The following AMZ1 variants were observed in gnomAD, a reference collection of about 807,000 sequenced individuals.
The protein encoded by AMZ1 is archaelysin family metallopeptidase 1.
AMZ1 carries 39 observed loss-of-function variants against 29.9 expected under a neutral mutation model. The observed-to-expected ratio is 1.30, with a 90% confidence interval of 1.01 to 1.70. The LOEUF is 1.70. AMZ1 is among the 40% of genes most tolerant of loss of function. The pLI is 0.00. For missense variants in AMZ1, 1,041 were observed against 680.6 expected, an observed-to-expected ratio of 1.53 and a Z score of -5.89; for synonymous variants, 458 against 304.0, an observed-to-expected ratio of 1.51 and a Z score of -5.27.
chr7:2,708,656 T>C lies in AMZ1; in HGVS notation c.541T>C (p.Ser181Pro), dbSNP rs1004386977. 2 of 1,613,122 alleles carry C rather than the reference T, an allele frequency of 1.2e-6. No individual in the cohort carries two copies. Among genetic ancestry groups the C allele is most frequent in the African/African-American group, 2.7e-5 (2 of 74,916 alleles). The change falls in exon 4 of 7, where the codon TCT becomes CCT. Residue 181 changes from serine (S) to proline (P), a missense_variant. Physicochemically the swap from Ser to Pro is moderately conservative, Grantham distance 74. Transcript: ENST00000683327. ...GCTGTGTGTGCTGGGCCTCACACTGTCTGACCTGTACCCCCATGAGGCCTG... is the reference window on the plus strand; with the variant it reads ...GCTGTGTGTGCTGGGCCTCACACTGCCTGACCTGTACCCCCATGAGGCCTG... ...DALCVLGLTLSDLYPHEAWSF... is the reference protein window; with the variant it reads ...DALCVLGLTLPDLYPHEAWSF...
Position 2,717,729 on chromosome 7 carries a change from G to A in AMZ1, c.*4851G>A, listed in dbSNP as rs1487354307. ...ATCGCGGGTGGAGACGGCCGGCCGAGCCTTCCCTTTTCTGACATCCTACAG... is the reference window on the plus strand; with the variant it reads ...ATCGCGGGTGGAGACGGCCGGCCGAACCTTCCCTTTTCTGACATCCTACAG... On this transcript the variant is annotated 3_prime_UTR_variant, in exon 7 of 7. Transcript: ENST00000683327. 6.6e-6 allele frequency among the ~76,000 whole-genome samples: 1 copy of A among 152,182 alleles called. No homozygotes were observed. The highest frequency in any genetic ancestry group is 1.5e-5 in the Non-Finnish European group (1 of 68,046).
At position 2,712,885 on chromosome 7, in the gene AMZ1, A is replaced by C. The variant is rs1788892882; in HGVS notation, c.*7A>C. 1 of 1,513,292 alleles carries C rather than the reference A, an allele frequency of 6.6e-7. No individual in the cohort carries two copies. The highest frequency in any genetic ancestry group is 1.3e-5 in the South Asian group (1 of 75,096). 93.7% of individuals were successfully genotyped at this position (1,513,292 alleles called of 1,614,324 possible). A position where few individuals can be genotyped will look rare whatever the true frequency, so the allele number is the denominator to read the frequency against. On this transcript the variant is annotated 3_prime_UTR_variant, in exon 7 of 7. Transcript: ENST00000683327. ...GGATGGGGAAGAGAGTTAGTACAGCAGGGGCTGCCCTACGTCTCCTTCCCT... is the reference window on the plus strand; with the variant it reads ...GGATGGGGAAGAGAGTTAGTACAGCCGGGGCTGCCCTACGTCTCCTTCCCT...
chr7:2,762,279 G>A (rs946025174), upstream of AMZ1: 23 of 240,688 alleles, frequency 9.6e-5, no homozygotes, highest in African/African-American at 4.5e-4. Flanking sequence ...CACAGAAGGT[G>A]CACATGGCGG....
At position 2,718,685 on chromosome 7, in the gene AMZ1, G is replaced by A. The variant is rs769240157; in HGVS notation, c.*5807G>A. ...ACCATTTCTTCCAACACTTTCTCAC[G>A]TAGGAGCTCCACTGTCCCTTCTAAC... On this transcript the variant is annotated 3_prime_UTR_variant, in exon 7 of 7. Transcript: ENST00000683327. Among the ~76,000 whole-genome samples, 6 of 152,214 alleles carry A rather than the reference G, an allele frequency of 3.9e-5. No individual in the cohort carries two copies. The highest frequency in any genetic ancestry group is 8.8e-5 in the Non-Finnish European group (6 of 68,040).
chr7:2,685,510 A>G (rs1787043736), upstream of AMZ1, among the ~76,000 whole-genome samples: 1 of 149,444 alleles, frequency 6.7e-6, no homozygotes, highest in Admixed American at 6.7e-5. Flanking sequence ...GTGAGCCGAG[A>G]TCGCGCCACT....
chr7:2,711,325 A>G (rs1418479901), intron 6 of AMZ1, among the ~76,000 whole-genome samples: 2 of 152,218 alleles, frequency 1.3e-5, no homozygotes, highest in African/African-American at 2.4e-5. Context: ...CTGTCCACTG[A>G]CAGCAATCAG....
rs3830624 is a variant in AMZ1 at position 2,716,506 on chromosome 7, T to TTAAA, written c.*3629_*3632dup. On this transcript the variant is annotated 3_prime_UTR_variant, in exon 7 of 7. Transcript: ENST00000683327. ...CCGATGAACGAAATCTCCAAAAGCC[T>TTAAA]TAAACATAAAATGGCTTAGTCAAGC... 92,264 of 151,624 alleles carry TTAAA rather than the reference T, an allele frequency of 0.61. 28,901 individuals carry two copies. The highest frequency in any genetic ancestry group is 0.73 in the African/African-American group (30,110 of 41,282). The allele number at this position is 151,624 out of a possible 1,614,324, so 9.4% of individuals were successfully genotyped here. A position where few individuals can be genotyped will look rare whatever the true frequency, so the allele number is the denominator to read the frequency against.
chr7:2,679,877 G>C (rs1395846042), intron 1 of AMZ1, among the ~76,000 whole-genome samples: 1 of 152,242 alleles, frequency 6.6e-6, no homozygotes, highest in African/African-American at 2.4e-5. Context: ...CCCTGAAGGA[G>C]CTTCATCCTG....
Position 2,702,756 on chromosome 7 carries a change from G to T in AMZ1, c.339G>T (p.Leu113=). 2.6e-6 allele frequency: 4 copies of T among 1,541,280 alleles called. No individual in the cohort carries two copies. Among genetic ancestry groups the T allele is most frequent in the Non-Finnish European group, 2.6e-6 (3 of 1,146,036 alleles). The change falls in exon 3 of 7, where the codon CTG becomes CTT. Residue 113 remains leucine, a synonymous_variant. Transcript: ENST00000683327. ...AGGAGCCGGTGGGAAGCTCCCTGCTGCACCAGCTGTGCAGCTGCACAGAGG... is the reference window on the plus strand; with the variant it reads ...AGGAGCCGGTGGGAAGCTCCCTGCTTCACCAGCTGTGCAGCTGCACAGAGG... ...LSEEPVGSSL[L]HQLCSCTEAF...
chr7:2,708,527 G>C, intron 3 of AMZ1, 61 bp from the exon 4 acceptor site: 1 of 1,602,044 alleles, frequency 6.2e-7, no homozygotes. Flanking sequence ...GCCAGCCTGA[G>C]CCTGGAAGAT....
intron 3 of AMZ1, among the ~76,000 whole-genome samples, chr7:2,704,547 A>G (rs1006245520): frequency 9.7e-5 from 14 of 145,024 alleles, no homozygotes; most frequent in Middle Eastern, 7.4e-3. Context: ...TGTGAGTTCT[A>G]CAGTTTCCAG....
chr7:2,712,817 G>A lies in AMZ1; in HGVS notation c.1436G>A (p.Ser479Asn). 6.5e-7 allele frequency: 1 copy of A among 1,538,654 alleles called. No individual in the cohort carries two copies. Residue 479 changes from serine to asparagine, a missense_variant, in exon 7 of 7, where the codon AGT becomes AAT. Transcript: ENST00000683327. ...TTCTCCTCCCTGAGGAGGAAGCTGAGTGCCCGAAAACTCGCCAGAGCAGAG... is the reference window on the plus strand; with the variant it reads ...TTCTCCTCCCTGAGGAGGAAGCTGAATGCCCGAAAACTCGCCAGAGCAGAG... ...DKFSSLRRKL[S>N]ARKLARAESA...
At chr7:2,748,107 G>T (rs1198020084) in intron 4 of AMZ1, among the ~76,000 whole-genome samples, 1 of 150,876 alleles carries the variant, frequency 6.6e-6, no homozygotes, top group East Asian at 1.9e-4. Context: ...TAGATTCAAT[G>T]CCATCCCCAT....
intron 4 of AMZ1, among the ~76,000 whole-genome samples, chr7:2,737,323 C>T (rs1039926337): frequency 1.9e-4 from 26 of 134,870 alleles, no homozygotes; most frequent in African/African-American, 7.4e-4. Flanking sequence ...GAGTCTCGCC[C>T]TGTCGCCCCG....
At chr7:2,711,568 G>A (rs1481628029) in intron 6 of AMZ1, among the ~76,000 whole-genome samples, 1 of 152,168 alleles carries the variant, frequency 6.6e-6, no homozygotes. Flanking sequence ...TTTAGGAAGT[G>A]AGTTTCAAGT....
At chr7:2,749,211 C>T (rs1274387677) in intron 4 of AMZ1, among the ~76,000 whole-genome samples, 6 of 152,256 alleles carry the variant, frequency 3.9e-5, no homozygotes, top group East Asian at 1.9e-4. Flanking sequence ...CACATGCACA[C>T]GTGTGTTTAT....
chr7:2,762,982 C>G, upstream of AMZ1: 2 of 1,341,352 alleles, frequency 1.5e-6, no homozygotes, highest in Non-Finnish European at 1.9e-6. Context: ...CAGAAAGAGC[C>G]CTTGTGTGCT....
downstream of AMZ1, among the ~76,000 whole-genome samples, chr7:2,721,729 AAGAT>A (rs1220150106): frequency 4.0e-5 from 6 of 151,820 alleles, no homozygotes; most frequent in East Asian, 1.9e-4. Context: ...AAAAAAAAAA[AAGAT>A]AGCGGCGGGT....
At chr7:2,758,103 C>A (rs1421878471) in intron 4 of AMZ1, among the ~76,000 whole-genome samples, 3 of 152,200 alleles carry the variant, frequency 2.0e-5, no homozygotes, top group Non-Finnish European at 4.4e-5. Flanking sequence ...TTGCTTCAGG[C>A]TCTTTATGGA....
Sources: allele counts gnomAD v4.1 joint callset (sites outside exome capture counted in the v4.1 genomes callset), GRCh38; gene constraint gnomAD v4.1.1; transcripts MANE v1.5; gene names NCBI Gene and HGNC (gene_info 2026-07-23, HGNC 2026-07-21).